NFATC2: variants seen among roughly 807,000 people sequenced by gnomAD.
NFATC2 encodes nuclear factor of activated T-cells, cytoplasmic 2.
In NFATC2, 22 loss-of-function variants were observed where a neutral mutation model predicts 87.3. The ratio of observed to expected loss-of-function variants is 0.25; its 90% CI spans 0.18 to 0.36. NFATC2 has a LOEUF of 0.36. NFATC2 is among the 10% of genes least tolerant of loss of function. NFATC2 has a pLI of 1.00. For synonymous variants in NFATC2, 565 were observed against 542.2 expected, an observed-to-expected ratio of 1.04 and a Z score of -0.58; for missense variants, 1,149 against 1,259.1, an observed-to-expected ratio of 0.91 and a Z score of 1.32.
intron 5 of NFATC2, 21 bp from the exon 6 acceptor site, chr20:51,454,709 A>C: frequency 6.2e-7 from 1 of 1,613,378 alleles, no homozygotes; most frequent in Non-Finnish European, 8.5e-7. Flanking sequence ...AAGAGAGAGA[A>C]GTCACTGTGA....
chr20:51,488,408 G>C (rs763641652), intron 3 of NFATC2, among the ~76,000 whole-genome samples: 1 of 152,232 alleles, frequency 6.6e-6, no homozygotes, highest in East Asian at 1.9e-4. Context: ...CTTTCTTGTC[G>C]GGGGCTGCCC....
At chr20:51,487,296 T>C (rs989983794) in intron 3 of NFATC2, among the ~76,000 whole-genome samples, 2 of 152,192 alleles carry the variant, frequency 1.3e-5, no homozygotes, top group African/African-American at 4.8e-5. Context: ...GATGCTGGGA[T>C]GGCAGCCGCT....
intron 3 of NFATC2, among the ~76,000 whole-genome samples, chr20:51,512,096 G>A (rs115029321): frequency 2.7e-3 from 416 of 152,244 alleles, no homozygotes; most frequent in African/African-American, 8.1e-3. Flanking sequence ...CAGAGAGCAC[G>A]GAGGAGGAGG....
rs763476975 is a variant in NFATC2 at position 51,432,536 on chromosome 20, G to C, written c.2253C>G (p.Leu751=). 2 of 1,552,186 alleles carry C rather than the reference G, an allele frequency of 1.3e-6. No individual in the cohort carries two copies. The highest frequency in any genetic ancestry group is 1.7e-6 in the Non-Finnish European group (2 of 1,151,084). The change falls in exon 9 of 11, where the codon CTC becomes CTG. Residue 751 remains leucine (L), a synonymous_variant. Transcript: ENST00000371564. The surrounding 1 kb of genome is among the most constrained non-coding windows in gnomAD (Gnocchi z 4.6). The part of the protein sequence containing the change: ...RYQQQNPAAV[L]YQRSKSLSPS... ...GGCTCAGGCTCTTGCTCCGCTGGTA[G>C]AGTACGGCCGCTGGGTTCTGTTGCT...
intron 10 of NFATC2, 25 bp from the exon 11 acceptor site, chr20:51,391,476 GGGA>G: frequency 4.4e-6 from 7 of 1,585,432 alleles, no homozygotes; most frequent in Non-Finnish European, 6.0e-6. Context: ...AGGAGGGGGG[GGGA>G]GAGAGAATGG....
intron 5 of NFATC2, 120 bp downstream of exon 5, chr20:51,473,860 T>C (rs1488383528): frequency 1.0e-6 from 1 of 990,870 alleles, no homozygotes; most frequent in Non-Finnish European, 1.5e-6. Flanking sequence ...TGTAACCCTG[T>C]GGGTCCCACA....
At position 51,389,431 on chromosome 20, in the gene NFATC2, G is replaced by A. The variant is rs1986092976; in HGVS notation, c.*2065C>T. ...CACACACTCTTGGCTTTTCCCCAGT[G>A]AAGTCAATATTGCTGGAGAGAAAAT... On this transcript the variant is annotated 3_prime_UTR_variant, in exon 11 of 11. Transcript: ENST00000371564. The A allele has an allele frequency of 6.6e-6, 1 of 152,170 alleles. No individual in the cohort carries two copies. The highest frequency in any genetic ancestry group is 2.4e-5 in the African/African-American group (1 of 41,428). The allele number at this position is 152,170 out of a possible 1,614,324, so 9.4% of individuals were successfully genotyped here.
At chr20:51,461,778 T>C (rs1231064466) in intron 5 of NFATC2, among the ~76,000 whole-genome samples, 1 of 152,216 alleles carries the variant, frequency 6.6e-6, no homozygotes, top group Non-Finnish European at 1.5e-5. Context: ...CAGGAGAGAC[T>C]GGTTAGAGAA....
At chr20:51,468,687 G>C (rs2146490536) in intron 5 of NFATC2, among the ~76,000 whole-genome samples, 1 of 152,328 alleles carries the variant, frequency 6.6e-6, no homozygotes, top group Non-Finnish European at 1.5e-5. Flanking sequence ...ACAGCCTGGA[G>C]ACCGTCACCA....
chr20:51,561,122 T>C (rs539406740), intron 1 of NFATC2, among the ~76,000 whole-genome samples: 1 of 141,498 alleles, frequency 7.1e-6, no homozygotes, highest in African/African-American at 2.6e-5. Flanking sequence ...GATGATACGA[T>C]ATCAGTAAAT....
At chr20:51,458,305 C>T (rs1986783785) in intron 5 of NFATC2, among the ~76,000 whole-genome samples, 2 of 152,068 alleles carry the variant, frequency 1.3e-5, no homozygotes, top group African/African-American at 4.8e-5. Context: ...TGTTTAGCAG[C>T]ATCCTTGGGT....
chr20:51,468,280 C>G (rs1325349139), intron 5 of NFATC2, among the ~76,000 whole-genome samples: 1 of 150,288 alleles, frequency 6.7e-6, no homozygotes, highest in Admixed American at 6.7e-5. Context: ...TGAACACCTA[C>G]AATCTATGCA....
At chr20:51,434,034 C>T (rs1221452476) in intron 8 of NFATC2, among the ~76,000 whole-genome samples, 1 of 152,166 alleles carries the variant, frequency 6.6e-6, no homozygotes, top group African/African-American at 2.4e-5. Context: ...CAAAGGGATT[C>T]CTGAGCTGCA....
intron 2 of NFATC2, among the ~76,000 whole-genome samples, chr20:51,521,163 G>C (rs2076438736): frequency 6.6e-6 from 1 of 152,170 alleles, no homozygotes; most frequent in Non-Finnish European, 1.5e-5. Flanking sequence ...GGTGTTCTCA[G>C]AACCTGCTGT....
Position 51,388,071 on chromosome 20 carries a change from T to C in NFATC2, c.*3425A>G, listed in dbSNP as rs1373873891. The C allele has an allele frequency of 1.3e-5, 2 of 152,160 alleles. No individual in the cohort carries two copies. Among genetic ancestry groups the C allele is most frequent in the African/African-American group, 4.8e-5 (2 of 41,422 alleles). The allele number at this position is 152,160 out of a possible 1,614,324, so 9.4% of individuals were successfully genotyped here. On this transcript the variant is annotated 3_prime_UTR_variant, in exon 11 of 11. Coordinates refer to ENST00000371564, the MANE Select transcript of NFATC2 (RefSeq NM_012340.5). ...ATCAATTCATCCTTGGTTATATCTA[T>C]GCTGGAAAACTGTGGGTGTCCTTTG...
chr20:51,444,700 G>A (rs1275896877), intron 6 of NFATC2, among the ~76,000 whole-genome samples: 1 of 152,166 alleles, frequency 6.6e-6, no homozygotes. Flanking sequence ...TCCTGGCCGT[G>A]CTTTTAAAAA....
At chr20:51,550,885 G>A (rs572843428) in intron 1 of NFATC2, among the ~76,000 whole-genome samples, 1 of 152,282 alleles carries the variant, frequency 6.6e-6, no homozygotes, top group East Asian at 1.9e-4. Flanking sequence ...CGTAAAGAAA[G>A]CCTAAGTCAA....
At position 51,398,629 on chromosome 20, in the gene NFATC2, A is replaced by AAGAT; in HGVS notation, c.*44+10_*44+13dup. ...AGCTGGAAAACAAAAGGAGAAGCAG[A>AAGAT]AGATATCGATTACCTTTAACTTTGA... is the stretch of plus-strand genomic sequence containing the variant. On this transcript the variant is annotated intron_variant, in intron 10 of 10. Transcript: ENST00000371564. 6.4e-7 allele frequency: 1 copy of AAGAT among 1,569,354 alleles called. No individual in the cohort carries two copies. The highest frequency in any genetic ancestry group is 8.7e-7 in the Non-Finnish European group (1 of 1,152,276).
chr20:51,541,173 A>G (rs2076810700), intron 1 of NFATC2, among the ~76,000 whole-genome samples: 1 of 152,044 alleles, frequency 6.6e-6, no homozygotes, highest in Non-Finnish European at 1.5e-5. Context: ...TCTGCCTAAC[A>G]CAGTGTTTGT....
Sources: gnomAD v4.1 joint callset for allele counts (sites outside exome capture counted in the v4.1 genomes callset) on GRCh38, gnomAD v4.1.1 for gene constraint, Gnocchi (gnomAD v3.1) non-coding constraint, MANE v1.5 for transcripts, NCBI Gene and HGNC (gene_info 2026-07-23, HGNC 2026-07-21) for gene names.